The following ASTN2 variants were observed in gnomAD, a reference collection of about 807,000 sequenced individuals.
ASTN2 encodes the protein astrotactin-2.
In ASTN2, 54 loss-of-function variants were observed where a neutral mutation model predicts 139.8. That is an observed-to-expected ratio of 0.39 (90% CI 0.31 to 0.48). The LOEUF (loss-of-function observed/expected upper bound fraction) is 0.48, where lower values mean the gene tolerates loss of function less well. Ranked by LOEUF, ASTN2 falls within the 20% of genes least tolerant of loss-of-function variation. ASTN2 has a pLI of 0.95. For missense variants in ASTN2, 1,565 were observed against 1,725.1 expected, an observed-to-expected ratio of 0.91 and a Z score of 1.64; for synonymous variants, 756 against 719.5, an observed-to-expected ratio of 1.05 and a Z score of -0.81.
chr9:117,090,849 T>C (rs1445162079), intron 5 of ASTN2, among the ~76,000 whole-genome samples: 1 of 152,230 alleles, frequency 6.6e-6, no homozygotes, highest in Non-Finnish European at 1.5e-5. Flanking sequence ...GAGAGATCTA[T>C]GTACAAACAC....
chr9:117,294,281 G>A (rs1448507893), intron 1 of ASTN2, among the ~76,000 whole-genome samples: 1 of 152,228 alleles, frequency 6.6e-6, no homozygotes, highest in South Asian at 2.1e-4. Context: ...GTTTGCTACA[G>A]CGATGAGTGC....
At chr9:117,043,053 T>G (rs1838626086) in intron 5 of ASTN2, among the ~76,000 whole-genome samples, 1 of 152,090 alleles carries the variant, frequency 6.6e-6, no homozygotes, top group African/African-American at 2.4e-5. Flanking sequence ...GTATTTTTAG[T>G]AGAGACAGTG....
At chr9:116,597,299 A>ATTTTTGTTTTTT (rs1554718677) in intron 19 of ASTN2, among the ~76,000 whole-genome samples, 1,190 of 75,522 alleles carry the variant, frequency 0.016, 161 homozygotes, top group East Asian at 0.07. Context: ...CTTTTGATCT[A>ATTTTTGTTTTTT]TTTTTTTTTT....
At chr9:117,077,445 C>T (rs1208737576) in intron 5 of ASTN2, among the ~76,000 whole-genome samples, 2 of 152,080 alleles carry the variant, frequency 1.3e-5, no homozygotes, top group Admixed American at 1.3e-4. Context: ...GGTAAGTAAG[C>T]TATAAAGTAA....
At position 117,334,502 on chromosome 9, in the gene ASTN2, C is replaced by T. The variant is rs1329795808; in HGVS notation, c.443-42989G>A. Among the ~76,000 whole-genome samples, 14 of 142,238 alleles carry T rather than the reference C, an allele frequency of 9.8e-5. No individual in the cohort carries two copies. In the South Asian group the frequency reaches 1.8e-3, roughly 18 times the overall value. 93.3% of individuals were successfully genotyped at this position (142,238 alleles called of 152,430 possible). On this transcript the variant is annotated intron_variant, in intron 1 of 22. Coordinates refer to ENST00000313400, the MANE Select transcript of ASTN2 (RefSeq NM_001365068.1). ...ATCAGGGCTTTTTTTTTTTTTTTGA[C>T]GGTGGAGAGAATAATGATAAGCAAA...
intron 2 of ASTN2, among the ~76,000 whole-genome samples, chr9:117,258,670 A>C (rs2133104269): frequency 6.6e-6 from 1 of 152,136 alleles, no homozygotes; most frequent in East Asian, 1.9e-4. Flanking sequence ...TAGCCTTACC[A>C]CCCACAGTGC....
intron 1 of ASTN2, among the ~76,000 whole-genome samples, chr9:117,394,276 C>T (rs1352971878): frequency 1.3e-5 from 2 of 152,138 alleles, no homozygotes; most frequent in Non-Finnish European, 2.9e-5. Flanking sequence ...ATACTGGACA[C>T]GTTCTATGTC....
chr9:116,860,168 T>G (rs1451981842), intron 11 of ASTN2, among the ~76,000 whole-genome samples: 1 of 152,144 alleles, frequency 6.6e-6, no homozygotes, highest in East Asian at 1.9e-4. Context: ...ACATTGGCCC[T>G]TTGAGCTAAA....
At chr9:117,354,730 T>A (rs1829489726) in intron 1 of ASTN2, among the ~76,000 whole-genome samples, 1 of 152,106 alleles carries the variant, frequency 6.6e-6, no homozygotes, top group Non-Finnish European at 1.5e-5. Flanking sequence ...CCTTGCCTGA[T>A]CCTAGAACAC....
At chr9:117,333,417 C>T (rs1828779820) in intron 1 of ASTN2, among the ~76,000 whole-genome samples, 2 of 151,994 alleles carry the variant, frequency 1.3e-5, no homozygotes, top group Non-Finnish European at 2.9e-5. Context: ...AGGAAACCAC[C>T]CAGGTTCATT....
chr9:117,071,768 G>A (rs369338144), intron 5 of ASTN2, among the ~76,000 whole-genome samples: 1 of 151,466 alleles, frequency 6.6e-6, no homozygotes, highest in South Asian at 2.1e-4. Context: ...GGAGTGACCC[G>A]ATTTTCCAGG....
intron 20 of ASTN2, among the ~76,000 whole-genome samples, chr9:116,478,522 A>G (rs370528519): frequency 5.9e-5 from 9 of 152,028 alleles, no homozygotes; most frequent in African/African-American, 2.2e-4. Flanking sequence ...AAGTCCCTTC[A>G]GGGTCCTATC....
intron 1 of ASTN2, among the ~76,000 whole-genome samples, chr9:117,301,309 C>T (rs1834869612): frequency 1.3e-5 from 2 of 152,162 alleles, no homozygotes; most frequent in African/African-American, 4.8e-5. Flanking sequence ...TCTTCTTCTC[C>T]TCTTCCTTGT....
intron 5 of ASTN2, among the ~76,000 whole-genome samples, chr9:117,087,142 G>A (rs1332672981): frequency 1.3e-5 from 2 of 152,182 alleles, no homozygotes; most frequent in Non-Finnish European, 2.9e-5. Flanking sequence ...ATATCCCCAA[G>A]GGGCTAGGCC....
At chr9:117,272,673 C>T (rs1396333553) in intron 2 of ASTN2, among the ~76,000 whole-genome samples, 4 of 152,188 alleles carry the variant, frequency 2.6e-5, no homozygotes, top group Non-Finnish European at 5.9e-5. Flanking sequence ...TCATCTCTCT[C>T]AAGTCAAAGT....
At chr9:116,594,317 T>C (rs1854483270) in intron 19 of ASTN2, among the ~76,000 whole-genome samples, 1 of 152,202 alleles carries the variant, frequency 6.6e-6, no homozygotes, top group Non-Finnish European at 1.5e-5. Context: ...TTTAGGGTTA[T>C]CAAAACAAAA....
chr9:116,946,395 G>A (rs1406792873), intron 10 of ASTN2, among the ~76,000 whole-genome samples: 1 of 152,164 alleles, frequency 6.6e-6, no homozygotes, highest in African/African-American at 2.4e-5. Context: ...ACAAGGGTAT[G>A]CATGTTTATT....
At chr9:117,232,875 C>A (rs1588115374) in intron 2 of ASTN2, among the ~76,000 whole-genome samples, 1 of 144,920 alleles carries the variant, frequency 6.9e-6, no homozygotes, top group Non-Finnish European at 1.5e-5. Flanking sequence ...CACTGCAATG[C>A]AACTAGGTAC....
intron 10 of ASTN2, among the ~76,000 whole-genome samples, chr9:116,910,928 A>T (rs1834292723): frequency 6.6e-6 from 1 of 152,190 alleles, no homozygotes; most frequent in African/African-American, 2.4e-5. Context: ...GACCAGTCTG[A>T]GCAGCTCAAA....
Sources: gnomAD v4.1 joint callset for allele counts (sites outside exome capture counted in the v4.1 genomes callset) on GRCh38, gnomAD v4.1.1 for gene constraint, MANE v1.5 for transcripts, NCBI Gene and HGNC (gene_info 2026-07-23, HGNC 2026-07-21) for gene names.